The following DIS3L2 variants were observed in gnomAD, a reference collection of about 807,000 sequenced individuals.
DIS3L2 encodes the protein DIS3-like exonuclease 2.
DIS3L2 carries 34 observed loss-of-function variants against 97.5 expected under a neutral mutation model. That is an observed-to-expected ratio of 0.35 (90% CI 0.27 to 0.46). DIS3L2 has a LOEUF of 0.46. Among genes scored for constraint, DIS3L2 ranks in the 20% least tolerant of loss-of-function variants. The pLI is 1.00. For missense variants in DIS3L2, 1,038 were observed against 1,146.0 expected (o/e 0.91, Z 1.36); for synonymous variants, 435 against 445.2 (o/e 0.98, Z 0.29).
chr2:232,316,215 C>G (rs1695271833), intron 14 of DIS3L2, among the ~76,000 whole-genome samples: 1 of 152,152 alleles, frequency 6.6e-6, no homozygotes, highest in Non-Finnish European at 1.5e-5. Flanking sequence ...TTCTATAAAT[C>G]TGTTAATGTT....
At chr2:232,087,844 C>A in intron 6 of DIS3L2, 123 bp downstream of exon 6, 1 of 761,660 alleles carries the variant, frequency 1.3e-6, no homozygotes, top group Non-Finnish European at 2.1e-6. Flanking sequence ...TGACCTGTGG[C>A]AGCTTTCAGA....
At chr2:232,198,536 T>C (rs1691815767) in intron 9 of DIS3L2, 1 of 152,226 alleles carries the variant, frequency 6.6e-6, no homozygotes, top group African/African-American at 2.4e-5. Flanking sequence ...GGTAAACTAC[T>C]ACCAGAGATA....
At chr2:232,188,148 G>A (rs1691499796) in intron 9 of DIS3L2, among the ~76,000 whole-genome samples, 1 of 152,048 alleles carries the variant, frequency 6.6e-6, no homozygotes, top group Non-Finnish European at 1.5e-5. Flanking sequence ...TCAAAAAAAA[G>A]TGGAGGGGGA....
chr2:232,019,541 G>A (rs1194639564), intron 3 of DIS3L2, among the ~76,000 whole-genome samples: 2 of 144,682 alleles, frequency 1.4e-5, no homozygotes, highest in Non-Finnish European at 1.5e-5. Context: ...AACAGAGTGA[G>A]ACCCTGTCTC....
At chr2:232,148,160 C>T in intron 8 of DIS3L2, among the ~76,000 whole-genome samples, 1 of 151,692 alleles carries the variant, frequency 6.6e-6, no homozygotes, top group East Asian at 1.9e-4. Context: ...AGCGATTCTC[C>T]TGCCTCAACC....
intron 12 of DIS3L2, among the ~76,000 whole-genome samples, chr2:232,255,844 A>G (rs528307225): frequency 7.2e-5 from 11 of 152,292 alleles, no homozygotes; most frequent in African/African-American, 2.6e-4. Flanking sequence ...CCACGGGGTC[A>G]TTCTTGACTT....
At chr2:231,977,431 A>G (rs1361107040) in intron 1 of DIS3L2, among the ~76,000 whole-genome samples, 3 of 152,200 alleles carry the variant, frequency 2.0e-5, no homozygotes, top group African/African-American at 7.2e-5. Context: ...ATGCTAATTA[A>G]TTTATTGATT....
intron 10 of DIS3L2, among the ~76,000 whole-genome samples, chr2:232,230,084 T>C (rs1574959868): frequency 1.3e-5 from 2 of 152,194 alleles, no homozygotes; most frequent in Admixed American, 6.5e-5. Flanking sequence ...AGTGCTGCCA[T>C]GGCTTGCTAT....
intron 13 of DIS3L2, among the ~76,000 whole-genome samples, chr2:232,266,646 C>T (rs1048888951): frequency 6.6e-6 from 1 of 152,124 alleles, no homozygotes; most frequent in Non-Finnish European, 1.5e-5. Context: ...TGGCCCTATT[C>T]AGAAGTCACT....
chr2:232,294,968 G>T (rs1479997137), intron 13 of DIS3L2, among the ~76,000 whole-genome samples: 2 of 151,910 alleles, frequency 1.3e-5, no homozygotes, highest in Non-Finnish European at 2.9e-5. Flanking sequence ...TTTCCTTCCT[G>T]TTCCCCCGTA....
At chr2:232,013,131 C>T (rs1216020829) in intron 1 of DIS3L2, among the ~76,000 whole-genome samples, 1 of 152,182 alleles carries the variant, frequency 6.6e-6, no homozygotes, top group African/African-American at 2.4e-5. Context: ...CTGTGTAATA[C>T]CATGGTAAGG....
chr2:232,343,243 G>A (rs1696153329), intron 13 of DIS3L2: 2 of 939,476 alleles, frequency 2.1e-6, no homozygotes, highest in East Asian at 5.0e-5. Flanking sequence ...TGAAGCTATG[G>A]AGCTGACGCA....
intron 9 of DIS3L2, among the ~76,000 whole-genome samples, chr2:232,208,135 A>T (rs1692081849): frequency 6.6e-6 from 1 of 152,212 alleles, no homozygotes. Flanking sequence ...AAATTCTGTG[A>T]ATTTTAAGAC....
chr2:231,971,941 C>T (rs909278226), intron 1 of DIS3L2, among the ~76,000 whole-genome samples: 1 of 149,486 alleles, frequency 6.7e-6, no homozygotes, highest in African/African-American at 2.4e-5. Flanking sequence ...AATCCCAGCA[C>T]TTTGGGAGGC....
At chr2:232,229,111 T>C (rs1378381757) in intron 10 of DIS3L2, among the ~76,000 whole-genome samples, 3 of 152,236 alleles carry the variant, frequency 2.0e-5, no homozygotes, top group African/African-American at 7.2e-5. Flanking sequence ...TTTAAAACTT[T>C]GAGCTAGTTT....
At chr2:232,121,690 G>A (rs190133906) in intron 6 of DIS3L2, among the ~76,000 whole-genome samples, 1 of 152,194 alleles carries the variant, frequency 6.6e-6, no homozygotes, top group East Asian at 1.9e-4. Flanking sequence ...GTACTGGCCC[G>A]CAACCCCAGA....
intron 8 of DIS3L2, among the ~76,000 whole-genome samples, chr2:232,161,021 G>A (rs575577384): frequency 6.6e-6 from 1 of 152,174 alleles, no homozygotes; most frequent in Non-Finnish European, 1.5e-5. Flanking sequence ...GGGTTCAAGC[G>A]TTTCTCCTGT....
At chr2:232,267,983 T>C (rs1473668595) in intron 13 of DIS3L2, among the ~76,000 whole-genome samples, 1 of 152,236 alleles carries the variant, frequency 6.6e-6, no homozygotes, top group East Asian at 1.9e-4. Context: ...TACTGCCTGC[T>C]GGGGTTCTCT....
At chr2:232,140,166 C>T (rs999722455) in intron 8 of DIS3L2, among the ~76,000 whole-genome samples, 2 of 152,128 alleles carry the variant, frequency 1.3e-5, no homozygotes, top group Admixed American at 6.5e-5. Context: ...TTTCTCCTTC[C>T]TCTAGTGTTT....
Sources: gnomAD v4.1 joint callset for allele counts (sites outside exome capture counted in the v4.1 genomes callset) on GRCh38, gnomAD v4.1.1 for gene constraint, MANE v1.5 for transcripts, NCBI Gene and HGNC (gene_info 2026-07-23, HGNC 2026-07-21) for gene names.